The following CAGE1 variants were observed in gnomAD, a reference collection of about 807,000 sequenced individuals.
CAGE1 encodes cancer-associated gene 1 protein.
CAGE1 carries 66 observed loss-of-function variants against 94.9 expected under a neutral mutation model. The observed-to-expected ratio is 0.70, with a 90% confidence interval of 0.57 to 0.85. CAGE1 has a LOEUF of 0.85. Ranked by LOEUF, CAGE1 falls within the 40% of genes least tolerant of loss-of-function variation. The pLI is 0.00. For synonymous variants in CAGE1, 319 were observed against 321.0 expected, an observed-to-expected ratio of 0.99 and a Z score of 0.07; for missense variants, 865 against 950.4, an observed-to-expected ratio of 0.91 and a Z score of 1.18.
intron 11 of CAGE1, among the ~76,000 whole-genome samples, chr6:7,352,290 C>CAAA (rs77426667): frequency 6.0e-4 from 26 of 43,578 alleles, no homozygotes; most frequent in South Asian, 9.9e-4. Flanking sequence ...ACAATAGCTG[C>CAAA]AAAAAAAAAA....
intron 9 of CAGE1, among the ~76,000 whole-genome samples, chr6:7,361,802 C>G (rs1205706476): frequency 6.6e-6 from 1 of 152,164 alleles, no homozygotes; most frequent in Non-Finnish European, 1.5e-5. Flanking sequence ...AAGAAAACAG[C>G]TGGTAAGGTT....
At position 7,328,931 on chromosome 6, in the gene CAGE1, TATA is replaced by T. The variant is rs1277835719; in HGVS notation, c.2478+915_2478+917del. ...GTGTGTGTGTGTGTATATATATATA[TATA>T]TTTTTTTTTTTTTTTGAGATAGAGT... On this transcript the variant is annotated intron_variant, in intron 13 of 13. Transcript: ENST00000502583. Among the ~76,000 whole-genome samples, 188 of 108,068 alleles carry T rather than the reference TATA, an allele frequency of 1.7e-3. 3 individuals are homozygous for T. The highest frequency in any genetic ancestry group is 4.8e-3 in the African/African-American group (137 of 28,256). The allele number at this position is 108,068 out of a possible 152,430, so 70.9% of individuals were successfully genotyped here.
chr6:7,338,170 G>A (rs1229954909), intron 11 of CAGE1, among the ~76,000 whole-genome samples: 1 of 151,908 alleles, frequency 6.6e-6, no homozygotes, highest in Non-Finnish European at 1.5e-5. Flanking sequence ...AACTTTTTTT[G>A]TAGATTCCAT....
At position 7,372,485 on chromosome 6, in the gene CAGE1, A is replaced by AAAG. The variant is rs61058948; in HGVS notation, c.1746+587_1746+588insCTT. 1.4e-4 allele frequency among the ~76,000 whole-genome samples: 21 copies of AAAG among 151,048 alleles called. 1 individual carries two copies. Among genetic ancestry groups the AAAG allele is most frequent in the Admixed American group, 1.2e-3 (18 of 15,132 alleles). On this transcript the variant is annotated intron_variant, in intron 5 of 13. Transcript: ENST00000502583. ...TACTGTCTCAAAAAAAAAAAAAAAA[A>AAAG]GTAACTGCTGGAAGATGCTTTTGAT...
intron 11 of CAGE1, among the ~76,000 whole-genome samples, chr6:7,337,440 A>G (rs1466031079): frequency 6.6e-6 from 1 of 152,098 alleles, no homozygotes; most frequent in Non-Finnish European, 1.5e-5. Context: ...ATTGTTGCCT[A>G]ACCCAAAGTC....
intron 11 of CAGE1, among the ~76,000 whole-genome samples, chr6:7,344,179 G>A (rs992523467): frequency 5.3e-5 from 8 of 152,214 alleles, no homozygotes; most frequent in African/African-American, 1.4e-4. Flanking sequence ...GCTGGCCACG[G>A]CCAGAGCTGG....
rs1760208491 is a variant in CAGE1, at chr6:7,362,917, T to G, written c.2193+2551A>C. Among the ~76,000 whole-genome samples the G allele has an allele frequency of 6.6e-6, 1 of 152,132 alleles. No individual in the cohort carries two copies. The highest frequency in any genetic ancestry group is 1.5e-5 in the Non-Finnish European group (1 of 68,024). On this transcript the variant is annotated intron_variant, in intron 9 of 13. Coordinates refer to ENST00000502583, the MANE Select transcript of CAGE1 (RefSeq NM_001170692.2). The surrounding 1 kb of genome is among the most constrained non-coding windows in gnomAD (Gnocchi z 4.1). ...CCACCTTTTTGTTCTCCTGGAGTAC[T>G]TTAAAGCAAACCTTGCCATCATATT...
In CAGE1 at chr6:7,330,400, CATAAA is replaced by C. The variant is rs555000826; in HGVS notation, c.2439-517_2439-513del. ...AGACTTCATCTCAAATAAAAAAATA[CATAAA>C]ATAAAATAACGATGAGGCACACTCT... On this transcript the variant is annotated intron_variant, in intron 12 of 13. Coordinates refer to ENST00000502583, the MANE Select transcript of CAGE1 (RefSeq NM_001170692.2). Among the ~76,000 whole-genome samples, 12 of 152,098 alleles carry C rather than the reference CATAAA, an allele frequency of 7.9e-5. No individual in the cohort carries two copies. In the South Asian group the frequency reaches 1.7e-3, roughly 21 times the overall value.
intron 4 of CAGE1, 107 bp from the exon 5 acceptor site, chr6:7,374,238 T>C: frequency 1.2e-6 from 1 of 841,750 alleles, no homozygotes. Context: ...CCTGTTTGGC[T>C]TTCTCCGCTA....
In CAGE1 at chr6:7,374,100, T is replaced by A; in HGVS notation, c.719A>T (p.Tyr240Phe). ...TAVPSKEIQN[Y>F]GEIPEMSVSY... is the part of the protein sequence containing the mutation. ...GACTGACATCTCAGGAATCTCCCCA[T>A]AATTCTGTATTTCTTTTGAAGGAAC... The change falls in exon 5 of 14, where the codon TAT becomes TTT. Residue 240 changes from tyrosine to phenylalanine, a missense_variant. By Grantham distance (22) the Tyr-to-Phe change is conservative. Transcript: ENST00000502583. The A allele has an allele frequency of 6.2e-7, 1 of 1,613,250 alleles. No individual in the cohort carries two copies. Among genetic ancestry groups the A allele is most frequent in the Non-Finnish European group, 8.5e-7 (1 of 1,179,430 alleles).
At chr6:7,327,357 G>A (rs894133310) in intron 13 of CAGE1, among the ~76,000 whole-genome samples, 7 of 152,168 alleles carry the variant, frequency 4.6e-5, no homozygotes, top group Middle Eastern at 6.8e-3. Flanking sequence ...GTTTTGCCAT[G>A]TTGTCCAGGC....
intron 11 of CAGE1, 111 bp downstream of exon 11, chr6:7,354,930 A>G (rs1759898763): frequency 2.7e-6 from 2 of 743,398 alleles, no homozygotes; most frequent in South Asian, 4.2e-5. Context: ...CTTAATTAAT[A>G]AAACTGCACA....
At chr6:7,330,997 A>G (rs1186506351) in intron 12 of CAGE1, among the ~76,000 whole-genome samples, 1 of 152,248 alleles carries the variant, frequency 6.6e-6, no homozygotes, top group Non-Finnish European at 1.5e-5. Context: ...ATCCATCTTC[A>G]GTATAAATTA....
rs536589958 is a variant in CAGE1 at position 7,331,440 on chromosome 6, A to G, written c.2439-1552T>C. On this transcript the variant is annotated intron_variant, in intron 12 of 13. Transcript: ENST00000502583. ...GATAAGGCTACCAAAGACTGTTCCAATACCAGCAGCAGAACCAGCCACTCC... is the reference window on the plus strand; with the variant it reads ...GATAAGGCTACCAAAGACTGTTCCAGTACCAGCAGCAGAACCAGCCACTCC... 4.8e-5 allele frequency: 24 copies of G among 501,816 alleles called. No individual in the cohort carries two copies. The South Asian group carries it at 7.5e-4, about 16-fold the overall frequency. The allele number at this position is 501,816 out of a possible 1,614,324, so 31.1% of individuals were successfully genotyped here. A position where few individuals can be genotyped will look rare whatever the true frequency, so the allele number is the denominator to read the frequency against.
At chr6:7,346,289 TCA>T (rs1491314282) in intron 11 of CAGE1, among the ~76,000 whole-genome samples, 2 of 152,302 alleles carry the variant, frequency 1.3e-5, no homozygotes, top group Admixed American at 1.3e-4. Flanking sequence ...GTGCAGTGAC[TCA>T]CGCCTGTAAT....
chr6:7,333,370 G>A (rs1026474241), intron 12 of CAGE1, among the ~76,000 whole-genome samples: 4 of 152,064 alleles, frequency 2.6e-5, no homozygotes, highest in Admixed American at 6.6e-5. Flanking sequence ...AGAAAATATG[G>A]TGATAAAATA....
intron 2 of CAGE1, 65 bp downstream of exon 2, chr6:7,386,914 C>T (rs146862919): frequency 2.7e-6 from 3 of 1,097,986 alleles, no homozygotes; most frequent in African/African-American, 1.6e-5. Flanking sequence ...AAGAAATTTT[C>T]ATATGGAAGA....
intron 11 of CAGE1, among the ~76,000 whole-genome samples, chr6:7,353,796 C>A (rs141844900): frequency 1.2e-3 from 185 of 151,372 alleles, no homozygotes; most frequent in African/African-American, 4.1e-3. Context: ...TTTGCAGTGA[C>A]CTGGATGAGA....
chr6:7,381,516 C>T (rs888829904), intron 3 of CAGE1, among the ~76,000 whole-genome samples: 1 of 149,636 alleles, frequency 6.7e-6, no homozygotes, highest in Non-Finnish European at 1.5e-5. Context: ...ATATACTTTG[C>T]CTGTTTTTCT....
Sources: allele counts gnomAD v4.1 joint callset (sites outside exome capture counted in the v4.1 genomes callset), GRCh38; gene constraint gnomAD v4.1.1; non-coding constraint Gnocchi (gnomAD v3.1); transcripts MANE v1.5; gene names NCBI Gene and HGNC (gene_info 2026-07-23, HGNC 2026-07-21).